Variants in ADGRL3 observed in about 807,000 individuals in gnomAD.
ADGRL3 encodes the protein calcium-independent alpha-latrotoxin receptor 3.
A neutral mutation model predicts 153.5 loss-of-function variants in ADGRL3; 62 were observed. The observed-to-expected ratio is 0.40, with a 90% CI of 0.33 to 0.50. ADGRL3 has a LOEUF of 0.50. Ranked by LOEUF, ADGRL3 falls within the 20% of genes least tolerant of loss-of-function variation. The probability of loss-of-function intolerance (pLI) is 0.47; values close to 1 mark genes in which losing one functional copy is unlikely to be tolerated. For missense variants in ADGRL3, 1,641 were observed against 1,859.4 expected (o/e 0.88, Z 2.16); for synonymous variants, 710 against 672.5 (o/e 1.06, Z -0.86).
chr4:61,712,775 A>T (rs1303506765), intron 6 of ADGRL3, among the ~76,000 whole-genome samples: 4 of 152,222 alleles, frequency 2.6e-5, no homozygotes, highest in Admixed American at 2.0e-4. Flanking sequence ...TTCCATCTGA[A>T]TGAAGCCAGT....
intron 4 of ADGRL3, among the ~76,000 whole-genome samples, chr4:61,540,325 G>T (rs563866542): frequency 2.7e-4 from 41 of 152,232 alleles, no homozygotes; most frequent in African/African-American, 9.6e-4. Flanking sequence ...AAGGCAGGCA[G>T]CTCACTTGAG....
chr4:61,545,606 C>A (rs903717379), intron 4 of ADGRL3, among the ~76,000 whole-genome samples: 1 of 152,096 alleles, frequency 6.6e-6, no homozygotes, highest in East Asian at 1.9e-4. Context: ...CTCCGCCTGC[C>A]GAGTTCAAGT....
At chr4:61,735,150 C>T (rs1267961626) in intron 8 of ADGRL3, among the ~76,000 whole-genome samples, 1 of 152,156 alleles carries the variant, frequency 6.6e-6, no homozygotes, top group African/African-American at 2.4e-5. Context: ...TTTGTCTTCT[C>T]TGACTCTAGT....
chr4:61,543,950 G>T (rs2148678072), intron 4 of ADGRL3, among the ~76,000 whole-genome samples: 1 of 152,288 alleles, frequency 6.6e-6, no homozygotes, highest in South Asian at 2.1e-4. Context: ...TCAAGACTTT[G>T]TCTGCTCATA....
intron 9 of ADGRL3, among the ~76,000 whole-genome samples, chr4:61,827,131 A>C (rs1010280602): frequency 1.6e-4 from 24 of 152,302 alleles, no homozygotes; most frequent in African/African-American, 5.8e-4. Flanking sequence ...CAAGGAACAC[A>C]TGCCTGGATT....
intron 1 of ADGRL3, among the ~76,000 whole-genome samples, chr4:61,321,068 T>C (rs1224223362): frequency 1.3e-5 from 2 of 152,322 alleles, no homozygotes; most frequent in East Asian, 1.9e-4. Flanking sequence ...GGTGATTACA[T>C]TGAACCCATG....
chr4:62,021,274 A>G (rs1223948975), intron 21 of ADGRL3, among the ~76,000 whole-genome samples: 1 of 152,160 alleles, frequency 6.6e-6, no homozygotes, highest in Non-Finnish European at 1.5e-5. Context: ...GATACACACA[A>G]TGGTCCTGTG....
intron 17 of ADGRL3, among the ~76,000 whole-genome samples, chr4:61,968,558 A>G (rs1560444718): frequency 1.3e-5 from 2 of 152,168 alleles, no homozygotes; most frequent in Non-Finnish European, 2.9e-5. Flanking sequence ...GGCCAGCCAC[A>G]ATGATAGGCA....
rs188226555 is a variant in ADGRL3 at position 61,209,157 on chromosome 4, A to G, written c.-240+7392A>G. 4.5e-3 allele frequency among the ~76,000 whole-genome samples: 691 copies of G among 152,242 alleles called. 6 individuals are homozygous for G. Among genetic ancestry groups the G allele is most frequent in the African/African-American group, 0.016 (664 of 41,552 alleles). On this transcript the variant is annotated intron_variant, in intron 1 of 26. Coordinates refer to ENST00000683033, the MANE Select transcript of ADGRL3 (RefSeq NM_001387552.1). ...AGTGCTATAGCACTTATTTCCTTCCAGAACTTTGGTCAATTCTGATTTAGT... is the reference window on the plus strand; with the variant it reads ...AGTGCTATAGCACTTATTTCCTTCCGGAACTTTGGTCAATTCTGATTTAGT...
Position 61,587,324 on chromosome 4 carries a change from C to T in ADGRL3, c.357C>T (p.Ile119=). The T allele has an allele frequency of 6.2e-7, 1 of 1,612,106 alleles. No homozygotes were observed. Among genetic ancestry groups the T allele is most frequent in the Non-Finnish European group, 8.5e-7 (1 of 1,178,890 alleles). ...IELRCPGTDV[I]MIESANYGRT... Reference sequence around the variant, plus strand: ...TTCGCTGTCCAGGAACAGACGTCATCATGATAGAAAGTGCCAACTATGGCA... The same window carrying T: ...TTCGCTGTCCAGGAACAGACGTCATTATGATAGAAAGTGCCAACTATGGCA... The change falls in exon 5 of 27, where the codon ATC becomes ATT. Residue 119 remains isoleucine, a synonymous_variant. Coordinates refer to ENST00000683033, the MANE Select transcript of ADGRL3 (RefSeq NM_001387552.1).
rs1026257884 is a variant in ADGRL3, at chr4:61,358,852, C to T, written c.-239-24272C>T. On this transcript the variant is annotated intron_variant, in intron 1 of 26. Coordinates refer to ENST00000683033, the MANE Select transcript of ADGRL3 (RefSeq NM_001387552.1). ...TTTAACATTATATGTGATTTGAATG[C>T]TTATTATTTCCAAATTTTTACCTCT... Among the ~76,000 whole-genome samples, 93 of 152,158 alleles carry T rather than the reference C, an allele frequency of 6.1e-4. 2 individuals carry two copies. Among genetic ancestry groups the T allele is most frequent in the Non-Finnish European group, 1.9e-4 (13 of 67,992 alleles).
intron 6 of ADGRL3, among the ~76,000 whole-genome samples, chr4:61,690,305 G>A (rs1457904166): frequency 1.3e-5 from 2 of 152,074 alleles, no homozygotes; most frequent in Non-Finnish European, 2.9e-5. Flanking sequence ...TTAGCCAGGT[G>A]TGGTGGTGCA....
At chr4:61,609,273 T>C (rs2099044179) in intron 5 of ADGRL3, among the ~76,000 whole-genome samples, 6 of 152,242 alleles carry the variant, frequency 3.9e-5, no homozygotes, top group Middle Eastern at 6.8e-3. Context: ...TCTAAACTCA[T>C]GTGTTATTCC....
At chr4:61,511,952 G>C (rs1398479250) in intron 3 of ADGRL3, among the ~76,000 whole-genome samples, 5 of 152,054 alleles carry the variant, frequency 3.3e-5, no homozygotes, top group African/African-American at 1.2e-4. Context: ...ATACACCTTA[G>C]GGAGAAATCA....
chr4:62,048,721 T>C (rs1228691080), intron 25 of ADGRL3, among the ~76,000 whole-genome samples: 2 of 151,812 alleles, frequency 1.3e-5, no homozygotes, highest in East Asian at 3.9e-4. Context: ...ATTTTCTTTT[T>C]TTTTAACTTT....
intron 5 of ADGRL3, among the ~76,000 whole-genome samples, chr4:61,629,882 A>G (rs572875681): frequency 6.6e-6 from 1 of 151,908 alleles, no homozygotes; most frequent in Admixed American, 6.6e-5. Context: ...TTCTGTAGAG[A>G]CTAATTCTAA....
chr4:61,969,302 G>T (rs2099018280), intron 17 of ADGRL3, among the ~76,000 whole-genome samples: 1 of 151,534 alleles, frequency 6.6e-6, no homozygotes, highest in African/African-American at 2.4e-5. Context: ...TGGGGGGTGG[G>T]AGGAGATAAA....
chr4:61,338,994 C>A (rs961031898), intron 1 of ADGRL3, among the ~76,000 whole-genome samples: 9 of 152,104 alleles, frequency 5.9e-5, no homozygotes, highest in African/African-American at 1.9e-4. Context: ...TATCCCACAG[C>A]CCTTATTAAT....
chr4:61,737,778 A>G (rs4241640), intron 8 of ADGRL3, among the ~76,000 whole-genome samples: 66,225 of 151,876 alleles, frequency 0.44, 14,781 homozygotes, highest in East Asian at 0.64. Flanking sequence ...GGCACCCTCT[A>G]GATACAAACA....
Sources: allele counts gnomAD v4.1 joint callset (sites outside exome capture counted in the v4.1 genomes callset), GRCh38; gene constraint gnomAD v4.1.1; transcripts MANE v1.5; gene names NCBI Gene and HGNC (gene_info 2026-07-23, HGNC 2026-07-21).